Variants in RGS6 observed in about 807,000 individuals in gnomAD.
The protein encoded by RGS6 is regulator of G-protein signaling 6.
Under a neutral mutation model 78.5 loss-of-function variants are expected in RGS6, and 30 were observed. That is an observed-to-expected ratio of 0.38 (90% CI 0.29 to 0.52). The LOEUF (loss-of-function observed/expected upper bound fraction) is 0.52, where lower values mean the gene tolerates loss of function less well. Ranked by LOEUF, RGS6 falls within the 20% of genes least tolerant of loss-of-function variation. The pLI is 0.85. For synonymous variants in RGS6, 206 were observed against 206.0 expected (o/e 1.00, Z 0.00); for missense variants, 495 against 609.7 (o/e 0.81, Z 1.98).
chr14:72,409,507 T>A (rs780406702), intron 3 of RGS6, among the ~76,000 whole-genome samples: 11 of 151,514 alleles, frequency 7.3e-5, no homozygotes, highest in Non-Finnish European at 1.3e-4. Flanking sequence ...CCAATTAAAA[T>A]TTTTTTAACA....
At chr14:72,569,111 G>GGTGTGTGTGTGTGT (rs35508602), downstream of RGS6, among the ~76,000 whole-genome samples, 169 of 137,626 alleles carry the variant, frequency 1.2e-3, no homozygotes, top group African/African-American at 4.1e-3. Context: ...GATTCTCTGG[G>GGTGTGTGTGTGTGT]GTGTGTGTGT....
intron 2 of RGS6, among the ~76,000 whole-genome samples, chr14:72,131,657 A>G (rs976059522): frequency 6.6e-6 from 1 of 152,220 alleles, no homozygotes; most frequent in African/African-American, 2.4e-5. Flanking sequence ...TGCCTTGAAG[A>G]TAACTCTCTG....
intron 3 of RGS6, among the ~76,000 whole-genome samples, chr14:72,362,876 A>G (rs548350466): frequency 2.0e-5 from 3 of 152,314 alleles, no homozygotes; most frequent in Admixed American, 6.5e-5. Flanking sequence ...ACCACAGACA[A>G]TAATTGAGAA....
At chr14:71,875,310 C>G in the RGS6 span, among the ~76,000 whole-genome samples, 1 of 152,122 alleles carries the variant, frequency 6.6e-6, no homozygotes, top group Non-Finnish European at 1.5e-5. Context: ...TAATTATTGC[C>G]TCAATTTCAG....
intron 2 of RGS6, among the ~76,000 whole-genome samples, chr14:72,090,076 G>A (rs958358989): frequency 2.2e-5 from 3 of 138,460 alleles, no homozygotes; most frequent in African/African-American, 8.3e-5. Flanking sequence ...TCATGCCACT[G>A]CACTCCAGCC....
At chr14:72,088,592 C>T (rs567453745) in intron 2 of RGS6, among the ~76,000 whole-genome samples, 1 of 152,092 alleles carries the variant, frequency 6.6e-6, no homozygotes, top group South Asian at 2.1e-4. Context: ...TCCCTTTATG[C>T]CCCCGCCCCA....
chr14:71,961,936 T>A (rs1167712024), intron 1 of RGS6, among the ~76,000 whole-genome samples: 1 of 152,214 alleles, frequency 6.6e-6, no homozygotes, highest in Non-Finnish European at 1.5e-5. Context: ...GAAAACCTAG[T>A]CCTTTAATTT....
intron 5 of RGS6, among the ~76,000 whole-genome samples, chr14:72,459,128 T>C (rs2095709763): frequency 6.6e-6 from 1 of 152,202 alleles, no homozygotes; most frequent in Non-Finnish European, 1.5e-5. Flanking sequence ...TACTGTCTCA[T>C]GTTGCCTTCT....
chr14:72,547,739 G>GA (rs1490429571), intron 17 of RGS6, among the ~76,000 whole-genome samples: 2 of 72 alleles, frequency 0.028, no homozygotes, highest in East Asian at 0.33. Flanking sequence ...GCAGTGGCAG[G>GA]GCCACAGGGC....
chr14:72,279,519 G>A (rs570175027), intron 2 of RGS6, among the ~76,000 whole-genome samples: 2 of 152,130 alleles, frequency 1.3e-5, no homozygotes, highest in Non-Finnish European at 2.9e-5. Flanking sequence ...TATAAGGCAG[G>A]AGATTCTGAG....
chr14:72,335,763 A>C (rs1459419282), intron 2 of RGS6, among the ~76,000 whole-genome samples: 15 of 152,210 alleles, frequency 9.9e-5, no homozygotes. Context: ...AATGTTTACA[A>C]ACTTGTATTG....
At chr14:72,196,314 G>C (rs990174745) in intron 2 of RGS6, among the ~76,000 whole-genome samples, 1 of 152,120 alleles carries the variant, frequency 6.6e-6, no homozygotes, top group Non-Finnish European at 1.5e-5. Context: ...CCAGTTTATG[G>C]ATTAATTATT....
At chr14:72,353,609 T>C (rs958436218) in intron 3 of RGS6, among the ~76,000 whole-genome samples, 2 of 152,130 alleles carry the variant, frequency 1.3e-5, no homozygotes, top group African/African-American at 4.8e-5. Context: ...GGGAGTTTTA[T>C]GAGATGATGA....
intron 2 of RGS6, among the ~76,000 whole-genome samples, chr14:72,160,971 G>C (rs139935589): frequency 2.6e-5 from 4 of 152,314 alleles, no homozygotes; most frequent in African/African-American, 9.6e-5. Context: ...ATTCACAATA[G>C]TGAAGACTTG....
At chr14:71,964,920 G>C (rs764408603) in intron 2 of RGS6, 45 bp downstream of exon 2, 1 of 1,493,676 alleles carries the variant, frequency 6.7e-7, no homozygotes, top group Non-Finnish European at 9.3e-7. Context: ...CGTGTGGACT[G>C]TTGTGTTCTG....
At chr14:72,561,204 C>T (rs1184494890) in intron 17 of RGS6, among the ~76,000 whole-genome samples, 4 of 152,192 alleles carry the variant, frequency 2.6e-5, no homozygotes, top group African/African-American at 4.8e-5. Flanking sequence ...AGCTTACACG[C>T]AGCCAAGCCC....
intron 1 of RGS6, among the ~76,000 whole-genome samples, chr14:71,942,284 A>G (rs1285861447): frequency 6.6e-6 from 1 of 152,230 alleles, no homozygotes; most frequent in African/African-American, 2.4e-5. Flanking sequence ...CACAAAGCCT[A>G]CCAAATACTT....
At chr14:72,554,729 G>A (rs887234038) in intron 17 of RGS6, among the ~76,000 whole-genome samples, 6 of 152,184 alleles carry the variant, frequency 3.9e-5, no homozygotes, top group Admixed American at 2.0e-4. Flanking sequence ...GGGTTGTTCC[G>A]TCAGATGAGA....
intron 1 of RGS6, among the ~76,000 whole-genome samples, chr14:71,961,665 TC>T (rs1482693683): frequency 1.3e-5 from 2 of 152,190 alleles, no homozygotes; most frequent in African/African-American, 4.8e-5. Flanking sequence ...TTTTCAGTTT[TC>T]CTCTTGGGTT....
Sources: gnomAD v4.1 joint callset for allele counts (sites outside exome capture counted in the v4.1 genomes callset) on GRCh38, gnomAD v4.1.1 for gene constraint, MANE v1.5 for transcripts, NCBI Gene and HGNC (gene_info 2026-07-23, HGNC 2026-07-21) for gene names.